CNTNAP2: variants seen among roughly 807,000 people sequenced by gnomAD.
CNTNAP2 encodes contactin associated protein 2.
A neutral mutation model predicts 155.2 loss-of-function variants in CNTNAP2; 98 were observed. The ratio of observed to expected loss-of-function variants is 0.63; its 90% confidence interval spans 0.54 to 0.75. CNTNAP2 has a LOEUF of 0.75. CNTNAP2 is among the 30% of genes least tolerant of loss of function. The pLI, the probability that CNTNAP2 is intolerant of heterozygous loss-of-function variation, is 0.00. For synonymous variants in CNTNAP2, 651 were observed against 631.2 expected (o/e 1.03, Z -0.47); for missense variants, 1,727 against 1,688.1 (o/e 1.02, Z -0.40).
intron 1 of CNTNAP2, among the ~76,000 whole-genome samples, chr7:146,458,244 A>G (rs971658000): frequency 6.6e-6 from 1 of 152,142 alleles, no homozygotes; most frequent in Non-Finnish European, 1.5e-5. Flanking sequence ...ACCATCTCAC[A>G]TGTTTACTTC....
chr7:147,682,293 T>G (rs1263797552), intron 13 of CNTNAP2, among the ~76,000 whole-genome samples: 2 of 151,900 alleles, frequency 1.3e-5, no homozygotes, highest in East Asian at 3.9e-4. Flanking sequence ...AATATGCAAA[T>G]AAGGGTTTCT....
intron 13 of CNTNAP2, among the ~76,000 whole-genome samples, chr7:147,887,687 A>G (rs1429133289): frequency 6.6e-6 from 1 of 152,182 alleles, no homozygotes; most frequent in Non-Finnish European, 1.5e-5. Context: ...AGAAGGGTCC[A>G]TGCCAAGTAA....
chr7:148,065,073 T>C (rs1398625841), intron 15 of CNTNAP2, among the ~76,000 whole-genome samples: 1 of 152,224 alleles, frequency 6.6e-6, no homozygotes, highest in African/African-American at 2.4e-5. Flanking sequence ...GAACAGGTTA[T>C]TTAATTTCCA....
intron 14 of CNTNAP2, among the ~76,000 whole-genome samples, chr7:147,918,410 C>T (rs1364031251): frequency 6.6e-6 from 1 of 152,114 alleles, no homozygotes; most frequent in Admixed American, 6.5e-5. Flanking sequence ...GTTCACATAG[C>T]AAAAATTGGA....
At chr7:148,068,673 A>AT (rs1381611249) in intron 15 of CNTNAP2, among the ~76,000 whole-genome samples, 2 of 152,060 alleles carry the variant, frequency 1.3e-5, no homozygotes, top group South Asian at 2.1e-4. Context: ...TCTAGGGCTG[A>AT]TTTTTTCCCA....
At chr7:146,196,564 G>GGA (rs148762442) in intron 1 of CNTNAP2, among the ~76,000 whole-genome samples, 14 of 147,420 alleles carry the variant, frequency 9.5e-5, no homozygotes, top group South Asian at 2.2e-4. Flanking sequence ...AGGGAGGGAG[G>GGA]GAGAGAGAGA....
chr7:147,872,316 A>T (rs1025028684), intron 13 of CNTNAP2, among the ~76,000 whole-genome samples: 1 of 152,198 alleles, frequency 6.6e-6, no homozygotes, highest in Non-Finnish European at 1.5e-5. Context: ...CACAAGCACC[A>T]ATTTCAGGGA....
rs987761627 is a variant in CNTNAP2 at position 147,296,102 on chromosome 7, G to A, written c.1349-4039G>A. Among the ~76,000 whole-genome samples, 8 of 152,238 alleles carry A rather than the reference G, an allele frequency of 5.3e-5. No individual in the cohort carries two copies. In the South Asian group the frequency reaches 6.2e-4, roughly 12 times the overall value. ...TCTTGTTCTTCCACTTAGAGTAACC[G>A]AAGATATTTTATAAGGGTCTATCTC... is the stretch of plus-strand genomic sequence containing the variant. On this transcript the variant is annotated intron_variant, in intron 8 of 23. Coordinates refer to ENST00000361727, the MANE Select transcript of CNTNAP2 (RefSeq NM_014141.6).
At chr7:146,250,991 T>C (rs1275916781) in intron 1 of CNTNAP2, among the ~76,000 whole-genome samples, 1 of 152,232 alleles carries the variant, frequency 6.6e-6, no homozygotes, top group East Asian at 1.9e-4. Flanking sequence ...TCATTTTGTT[T>C]ATTGTTTGCA....
chr7:146,975,009 A>G (rs147634727), intron 3 of CNTNAP2, among the ~76,000 whole-genome samples: 88 of 152,296 alleles, frequency 5.8e-4, no homozygotes, highest in Admixed American at 2.0e-3. Flanking sequence ...TAGACAGTAT[A>G]TTCACCAGGT....
chr7:148,127,134 A>G (rs960795635), intron 16 of CNTNAP2, among the ~76,000 whole-genome samples: 7 of 152,072 alleles, frequency 4.6e-5, no homozygotes, highest in African/African-American at 1.7e-4. Flanking sequence ...GCGAAACCCC[A>G]TTTCTACTAA....
At chr7:146,600,456 G>A (rs1360087697) in intron 1 of CNTNAP2, among the ~76,000 whole-genome samples, 3 of 151,988 alleles carry the variant, frequency 2.0e-5, no homozygotes, top group South Asian at 2.1e-4. Flanking sequence ...CGCTCACAAA[G>A]CACTACTTTC....
chr7:147,833,652 C>T (rs1798589947), intron 13 of CNTNAP2, among the ~76,000 whole-genome samples: 1 of 152,158 alleles, frequency 6.6e-6, no homozygotes, highest in African/African-American at 2.4e-5. Context: ...TGGTGAACTG[C>T]TAAAGGCTAC....
chr7:146,249,797 T>C (rs1010840954), intron 1 of CNTNAP2, among the ~76,000 whole-genome samples: 1 of 152,190 alleles, frequency 6.6e-6, no homozygotes, highest in Non-Finnish European at 1.5e-5. Flanking sequence ...CATAGCATTT[T>C]ATTTCCTTGG....
chr7:147,441,852 C>T (rs1050112519), intron 10 of CNTNAP2, among the ~76,000 whole-genome samples: 2,196 of 36,898 alleles, frequency 0.06, 52 homozygotes, highest in African/African-American at 0.12. Flanking sequence ...TCTCTCTCTC[C>T]CTCCCTCCCT....
At chr7:147,052,615 T>C (rs568604575) in intron 4 of CNTNAP2, among the ~76,000 whole-genome samples, 1 of 152,178 alleles carries the variant, frequency 6.6e-6, no homozygotes, top group South Asian at 2.1e-4. Context: ...ATTTAAATAT[T>C]TGTATAACTT....
chr7:146,465,955 T>G (rs1312532885), intron 1 of CNTNAP2, among the ~76,000 whole-genome samples: 1 of 152,104 alleles, frequency 6.6e-6, no homozygotes, highest in African/African-American at 2.4e-5. Context: ...TTGAGTCGCT[T>G]ATTGACTTAA....
intron 3 of CNTNAP2, among the ~76,000 whole-genome samples, chr7:146,900,118 T>C (rs373212039): frequency 1.3e-5 from 2 of 152,292 alleles, no homozygotes; most frequent in South Asian, 2.1e-4. Context: ...TATAGACAAG[T>C]AGATAAGTAA....
At chr7:146,666,422 C>A (rs936857685) in intron 1 of CNTNAP2, among the ~76,000 whole-genome samples, 2 of 152,074 alleles carry the variant, frequency 1.3e-5, no homozygotes, top group Admixed American at 6.5e-5. Flanking sequence ...AAGTTGATTC[C>A]GTATCTTGGC....
Sources: allele counts gnomAD v4.1 joint callset (sites outside exome capture counted in the v4.1 genomes callset), GRCh38; gene constraint gnomAD v4.1.1; transcripts MANE v1.5; gene names NCBI Gene and HGNC (gene_info 2026-07-23, HGNC 2026-07-21).